CXorf58: variants seen among roughly 807,000 people sequenced by gnomAD.
CXorf58 encodes chromosome X open reading frame 58, also known as uncharacterized protein CXorf58.
CXorf58 carries 24 observed loss-of-function variants against 26.0 expected under a neutral mutation model. The observed-to-expected ratio is 0.92, with a 90% CI of 0.67 to 1.30. The LOEUF is 1.30. Ranked by LOEUF, CXorf58 falls within the 50% of genes most tolerant of loss-of-function variation. The probability of loss-of-function intolerance (pLI) is 0.00; values close to 1 mark genes in which losing one functional copy is unlikely to be tolerated. For synonymous variants in CXorf58, 87 were observed against 86.1 expected, an observed-to-expected ratio of 1.01 and a Z score of -0.06; for missense variants, 236 against 263.9, an observed-to-expected ratio of 0.89 and a Z score of 0.73.
intron 6 of CXorf58, among the ~76,000 whole-genome samples, chrX:23,933,551 C>A (rs190923467): frequency 2.3e-3 from 255 of 110,605 alleles, no homozygotes; most frequent in African/African-American, 8.1e-3. Flanking sequence ...TGCAAAAGTC[C>A]TCTCAACAGC....
intron 1 of CXorf58, among the ~76,000 whole-genome samples, chrX:23,910,011 C>T (rs2079642232): frequency 9.0e-6 from 1 of 111,670 alleles, no homozygotes; most frequent in Non-Finnish European, 1.9e-5. Context: ...AAAGTTAACT[C>T]CAGGTGTAGT....
chrX:23,917,439 CAG>C (rs766058713), intron 5 of CXorf58, among the ~76,000 whole-genome samples: 13 of 110,531 alleles, frequency 1.2e-4, no homozygotes, highest in Non-Finnish European at 2.1e-4. Context: ...TATTTTGAGA[CAG>C]AGTTTTGCTC....
chrX:23,919,399 C>A (rs1335721246), intron 5 of CXorf58, among the ~76,000 whole-genome samples: 1 of 112,094 alleles, frequency 8.9e-6, no homozygotes, highest in Non-Finnish European at 1.9e-5. Flanking sequence ...TTTTTCAGCT[C>A]CAGAATTTCT....
chrX:23,913,360 T>G (rs1431466837), intron 3 of CXorf58, among the ~76,000 whole-genome samples: 3 of 108,045 alleles, frequency 2.8e-5, no homozygotes. Context: ...TTTTTTTTTT[T>G]GTACTTTTAG....
At chrX:23,915,307 A>G in intron 3 of CXorf58, among the ~76,000 whole-genome samples, 1 of 112,236 alleles carries the variant, frequency 8.9e-6, no homozygotes, top group Non-Finnish European at 1.9e-5. Context: ...CTTCTTAAGC[A>G]TCTGCTGTGT....
chrX:23,913,362 T>G (rs1007351000), intron 3 of CXorf58, among the ~76,000 whole-genome samples: 1 of 107,318 alleles, frequency 9.3e-6, no homozygotes, highest in Non-Finnish European at 1.9e-5. Context: ...TTTTTTTTTG[T>G]ACTTTTAGTA....
intron 7 of CXorf58, among the ~76,000 whole-genome samples, chrX:23,936,037 C>T (rs1296751515): frequency 9.0e-6 from 1 of 111,058 alleles, no homozygotes; most frequent in Non-Finnish European, 1.9e-5. Flanking sequence ...TCCCAAAGTG[C>T]TGGGATTACA....
chrX:23,922,963 G>T (rs1484343359), intron 5 of CXorf58, among the ~76,000 whole-genome samples: 4 of 111,932 alleles, frequency 3.6e-5, no homozygotes, highest in Admixed American at 9.5e-5. Flanking sequence ...TTTAGAGATG[G>T]CCCGCTTTGA....
chrX:23,936,005 T>C (rs1928288651), intron 7 of CXorf58, among the ~76,000 whole-genome samples: 1 of 110,678 alleles, frequency 9.0e-6, no homozygotes. Flanking sequence ...ACTCCTGACC[T>C]TGTGATCCGG....
chrX:23,938,624 C>G lies in CXorf58; in HGVS notation c.863C>G (p.Ser288Cys), dbSNP rs1442089915. 1 of 1,193,359 alleles carries G rather than the reference C, an allele frequency of 8.4e-7. No homozygotes were observed. Among genetic ancestry groups the G allele is most frequent in the East Asian group, 3.0e-5 (1 of 33,588 alleles). The change falls in exon 8 of 9, where the codon TCC (serine) becomes TGC (cysteine). Residue 288 changes from serine (S) to cysteine (C), a missense_variant. By Grantham distance (112) the Ser-to-Cys change is moderately radical (BLOSUM62 -1). Coordinates refer to ENST00000379211, the MANE Select transcript of CXorf58 (RefSeq NM_152761.3). ...QNQVKFLGRR[S>C]KQAQMKVEKM... ...CAAGTTAAATTTCTGGGTCGTCGAT[C>G]CAAGCAAGCTCAAATGAAAGTTGAA...
chrX:23,931,528 T>C (rs959397305), intron 6 of CXorf58, among the ~76,000 whole-genome samples: 10 of 112,384 alleles, frequency 8.9e-5, no homozygotes, highest in Admixed American at 2.9e-4. Context: ...GAGCAGATGA[T>C]TGACAGATCT....
intron 5 of CXorf58, among the ~76,000 whole-genome samples, chrX:23,918,446 G>A (rs891527175): frequency 2.7e-5 from 3 of 111,790 alleles, no homozygotes; most frequent in Non-Finnish European, 5.6e-5. Flanking sequence ...CAAGCAAAGA[G>A]AAACCAAATA....
intron 7 of CXorf58, among the ~76,000 whole-genome samples, chrX:23,937,208 T>C (rs1466287062): frequency 9.0e-6 from 1 of 110,925 alleles, no homozygotes; most frequent in East Asian, 2.8e-4. Flanking sequence ...AAGTTACCAC[T>C]GTGGGTAACT....
intron 3 of CXorf58, among the ~76,000 whole-genome samples, chrX:23,913,576 A>G (rs1356094427): frequency 8.9e-6 from 1 of 111,889 alleles, no homozygotes; most frequent in Non-Finnish European, 1.9e-5. Context: ...CATCTGACCC[A>G]CAGACCTATT....
Position 23,927,328 on chromosome X carries a change from A to G in CXorf58, c.513A>G (p.Val171=). 1 of 1,178,793 alleles carries G rather than the reference A, an allele frequency of 8.5e-7. No individual in the cohort carries two copies. The highest frequency in any genetic ancestry group is 1.9e-5 in the South Asian group (1 of 53,468). ...AACGTATTTTCCCGAAGTCCAAAGT[A>G]ACTGATATAATGGATGTTGTCACCA... ...EDERIFPKSK[V]TDIMDVVTMQ... Residue 171 remains valine, a synonymous_variant, in exon 6 of 9, where the codon GTA becomes GTG. Transcript: ENST00000379211.
At chrX:23,910,760 C>T (rs866443228) in intron 2 of CXorf58, among the ~76,000 whole-genome samples, 154 of 51,339 alleles carry the variant, frequency 3.0e-3, no homozygotes, top group Admixed American at 4.3e-3. Flanking sequence ...TTTTTCCTTT[C>T]TTTTTTTTTT....
chrX:23,908,152 C>T lies in CXorf58; in HGVS notation c.-198C>T. On this transcript the variant is annotated 5_prime_UTR_variant, in exon 1 of 9. Coordinates refer to ENST00000379211, the MANE Select transcript of CXorf58 (RefSeq NM_152761.3). ...CTGCCGAGAGGGGGCGCTTGGAGGG[C>T]CACCGGCGGCTTCGAAAGCTTCGCA... is the stretch of plus-strand genomic sequence containing the variant. 8.4e-6 allele frequency: 1 copy of T among 118,422 alleles called. No homozygotes were observed. Among genetic ancestry groups the T allele is most frequent in the Non-Finnish European group, 1.8e-5 (1 of 56,442 alleles). 9.8% of individuals were successfully genotyped at this position (118,422 alleles called of 1,213,427 possible).
chrX:23,929,374 C>A (rs1485208701), intron 6 of CXorf58, among the ~76,000 whole-genome samples: 3 of 100,701 alleles, frequency 3.0e-5, no homozygotes, highest in African/African-American at 1.1e-4. Flanking sequence ...CCACTGCACT[C>A]CAGTCTGGGC....
Position 23,910,364 on chromosome X carries a change from A to G in CXorf58, c.62A>G (p.Gln21Arg), listed in dbSNP as rs149951169. ...CTGAAATCAGGTACAAGATCCTTAC[A>G]AAAAGTTCGCAGAGTACATTTCGCA... ...GILKSGTRSLQKVRRVHFANA... is the reference protein window; with the variant it reads ...GILKSGTRSLRKVRRVHFANA... Residue 21 changes from glutamine to arginine, a missense_variant, in exon 2 of 9, where the codon CAA becomes CGA. Coordinates refer to ENST00000379211, the MANE Select transcript of CXorf58 (RefSeq NM_152761.3). 7.3e-3 allele frequency: 8,751 copies of G among 1,193,436 alleles called. 29 individuals are homozygous for G. The highest frequency in any genetic ancestry group is 8.9e-3 in the Non-Finnish European group (7,849 of 881,841).
Sources: allele counts gnomAD v4.1 joint callset (sites outside exome capture counted in the v4.1 genomes callset), GRCh38; gene constraint gnomAD v4.1.1; transcripts MANE v1.5; gene names NCBI Gene and HGNC (gene_info 2026-07-23, HGNC 2026-07-21).